NR5A2: variants seen among roughly 807,000 people sequenced by gnomAD.
The protein encoded by NR5A2 is CYP7A promoter-binding factor.
In NR5A2, 26 loss-of-function variants were observed where a neutral mutation model predicts 62.7. The observed-to-expected ratio is 0.41, with a 90% confidence interval of 0.30 to 0.58. The LOEUF is 0.58. Ranked by LOEUF, NR5A2 falls within the 20% of genes least tolerant of loss-of-function variation. NR5A2 has a pLI of 0.22. For synonymous variants in NR5A2, 246 were observed against 241.7 expected (o/e 1.02, Z -0.16); for missense variants, 541 against 669.1 (o/e 0.81, Z 2.11).
At chr1:200,125,642 C>G (rs911780255) in intron 7 of NR5A2, among the ~76,000 whole-genome samples, 1 of 152,290 alleles carries the variant, frequency 6.6e-6, no homozygotes, top group East Asian at 1.9e-4. Context: ...TTCAGGCATT[C>G]TGTAGTGTCT....
intron 1 of NR5A2, among the ~76,000 whole-genome samples, chr1:200,030,081 G>A (rs553166317): frequency 6.6e-6 from 1 of 152,232 alleles, no homozygotes; most frequent in South Asian, 2.1e-4. Flanking sequence ...CTTTCTGATT[G>A]CCCAGGGTAG....
In NR5A2 at chr1:200,130,087, T is replaced by G. The variant is rs139161819; in HGVS notation, c.1378+9132T>G. 6.0e-3 allele frequency among the ~76,000 whole-genome samples: 915 copies of G among 152,280 alleles called. 5 individuals are homozygous for G. The highest frequency in any genetic ancestry group is 0.021 in the African/African-American group (868 of 41,562). On this transcript the variant is annotated intron_variant, in intron 7 of 7. Transcript: ENST00000367362. ...CTTGTTGAGTTTGTGTTGTGTTGTGTTGTTTTTCTGCCACCAAATTAGGTG... is the reference window on the plus strand; with the variant it reads ...CTTGTTGAGTTTGTGTTGTGTTGTGGTGTTTTTCTGCCACCAAATTAGGTG...
intron 6 of NR5A2, among the ~76,000 whole-genome samples, chr1:200,115,197 A>G (rs150228589): frequency 6.6e-5 from 10 of 152,312 alleles, no homozygotes; most frequent in East Asian, 1.9e-4. Flanking sequence ...AAAAACTAAA[A>G]CTATGAAAAA....
intron 3 of NR5A2, 42 bp from the exon 4 acceptor site, chr1:200,045,401 G>T: frequency 6.6e-7 from 1 of 1,524,310 alleles, no homozygotes; most frequent in African/African-American, 1.4e-5. Context: ...AAAGACGGGT[G>T]TTAGATTTAT....
At chr1:200,090,454 C>CT (rs1664762519) in intron 5 of NR5A2, among the ~76,000 whole-genome samples, 1 of 152,170 alleles carries the variant, frequency 6.6e-6, no homozygotes, top group African/African-American at 2.4e-5. Context: ...GTAGCCTCTG[C>CT]ACACTCCTGA....
intron 5 of NR5A2, among the ~76,000 whole-genome samples, chr1:200,056,120 T>C (rs1662902965): frequency 6.6e-6 from 1 of 152,226 alleles, no homozygotes; most frequent in African/African-American, 2.4e-5. Context: ...ATTTCAGCCT[T>C]TCTTGCTTAC....
At chr1:200,158,370 T>A (rs1653480407) in intron 7 of NR5A2, among the ~76,000 whole-genome samples, 1 of 152,226 alleles carries the variant, frequency 6.6e-6, no homozygotes, top group African/African-American at 2.4e-5. Context: ...AGGGGTTTAA[T>A]AAAAATTCAA....
chr1:200,115,823 C>T (rs920508210), intron 6 of NR5A2, among the ~76,000 whole-genome samples: 2 of 151,958 alleles, frequency 1.3e-5, no homozygotes, highest in Admixed American at 6.6e-5. Flanking sequence ...AAGGAAGTGC[C>T]TTACCCCTAA....
intron 5 of NR5A2, among the ~76,000 whole-genome samples, chr1:200,065,882 G>A (rs534152710): frequency 2.5e-3 from 374 of 152,266 alleles, no homozygotes; most frequent in African/African-American, 8.7e-3. Context: ...TCCTGAGGTA[G>A]AAGCTAGCTT....
intron 7 of NR5A2, among the ~76,000 whole-genome samples, chr1:200,133,578 TATATATACAC>T (rs1667081338): frequency 7.9e-6 from 1 of 126,346 alleles, no homozygotes; most frequent in African/African-American, 3.1e-5. Context: ...TATATACACA[TATATATACAC>T]ATATATATAT....
chr1:200,033,114 G>A (rs560951259), intron 1 of NR5A2, among the ~76,000 whole-genome samples: 1 of 152,304 alleles, frequency 6.6e-6, no homozygotes, highest in African/African-American at 2.4e-5. Context: ...AGTGGGGTGG[G>A]ACAAAGGCAC....
intron 5 of NR5A2, among the ~76,000 whole-genome samples, chr1:200,102,496 A>G (rs1665423649): frequency 6.6e-6 from 1 of 152,020 alleles, no homozygotes; most frequent in African/African-American, 2.4e-5. Flanking sequence ...TCATTTCCCA[A>G]CTGCTGTGCT....
chr1:200,153,708 A>G (rs1301995231), intron 7 of NR5A2, among the ~76,000 whole-genome samples: 2 of 152,158 alleles, frequency 1.3e-5, no homozygotes, highest in African/African-American at 4.8e-5. Flanking sequence ...TTGAAAATGT[A>G]CTAAGAATGA....
intron 5 of NR5A2, among the ~76,000 whole-genome samples, chr1:200,068,162 G>A (rs996303069): frequency 6.6e-6 from 1 of 152,054 alleles, no homozygotes; most frequent in Non-Finnish European, 1.5e-5. Context: ...GCTTTTTAAA[G>A]AACTCTTTCA....
At chr1:200,072,593 T>C (rs1426204760) in intron 5 of NR5A2, among the ~76,000 whole-genome samples, 1 of 152,204 alleles carries the variant, frequency 6.6e-6, no homozygotes, top group African/African-American at 2.4e-5. Context: ...TGAGCCTATA[T>C]ATAGGCTCTC....
intron 7 of NR5A2, among the ~76,000 whole-genome samples, chr1:200,139,000 T>G (rs888854022): frequency 1.3e-5 from 2 of 152,136 alleles, no homozygotes; most frequent in African/African-American, 2.4e-5. Context: ...TGGAGAAAAA[T>G]TATTTTCTTG....
intron 2 of NR5A2, among the ~76,000 whole-genome samples, chr1:200,042,185 C>T (rs1662122075): frequency 6.6e-6 from 1 of 152,014 alleles, no homozygotes; most frequent in Admixed American, 6.5e-5. Flanking sequence ...AAGGCAGGCT[C>T]CTGCCTTCTC....
chr1:200,114,293 T>TAC (rs1218353089), intron 6 of NR5A2, among the ~76,000 whole-genome samples: 2 of 119,504 alleles, frequency 1.7e-5, no homozygotes, highest in African/African-American at 2.9e-5. Context: ...CACATATATA[T>TAC]ACACACACAT....
chr1:200,028,445 C>T (rs929779966), intron 1 of NR5A2, among the ~76,000 whole-genome samples: 2 of 128,824 alleles, frequency 1.6e-5, no homozygotes, highest in Non-Finnish European at 3.2e-5. Flanking sequence ...AAAAAAAAAC[C>T]AAAAAAACTA....
Sources: allele counts gnomAD v4.1 joint callset (sites outside exome capture counted in the v4.1 genomes callset), GRCh38; gene constraint gnomAD v4.1.1; transcripts MANE v1.5; gene names NCBI Gene and HGNC (gene_info 2026-07-23, HGNC 2026-07-21).